The following MCTP1 variants were observed in gnomAD, a reference collection of about 807,000 sequenced individuals.
The protein encoded by MCTP1 is multiple C2 and transmembrane domain-containing protein 1.
A neutral mutation model predicts 120.6 loss-of-function variants in MCTP1; 69 were observed. The observed-to-expected ratio is 0.57, with a 90% CI of 0.47 to 0.70. MCTP1 has a LOEUF of 0.70. Ranked by LOEUF, MCTP1 falls within the 30% of genes least tolerant of loss-of-function variation. The pLI is 0.00. For synonymous variants in MCTP1, 529 were observed against 493.1 expected, an observed-to-expected ratio of 1.07 and a Z score of -0.96; for missense variants, 1,203 against 1,248.8, an observed-to-expected ratio of 0.96 and a Z score of 0.55.
At chr5:94,786,679 T>C (rs114401115) in intron 18 of MCTP1, among the ~76,000 whole-genome samples, 2,382 of 152,294 alleles carry the variant, frequency 0.016, 55 homozygotes, top group African/African-American at 0.054. Flanking sequence ...TACTGTGTGA[T>C]TGCTAAATTA....
chr5:95,145,062 T>A (rs1277780231), intron 1 of MCTP1, among the ~76,000 whole-genome samples: 1 of 152,182 alleles, frequency 6.6e-6, no homozygotes, highest in Non-Finnish European at 1.5e-5. Context: ...ATTTGTGCCA[T>A]CTATGATTTC....
chr5:95,262,961 T>C (rs1758591983), intron 1 of MCTP1, among the ~76,000 whole-genome samples: 2 of 152,214 alleles, frequency 1.3e-5, no homozygotes, highest in African/African-American at 2.4e-5. Flanking sequence ...AAAGCATATA[T>C]GAAGCAAAGG....
intron 1 of MCTP1, among the ~76,000 whole-genome samples, chr5:95,226,258 T>C (rs767565735): frequency 1.4e-4 from 22 of 152,200 alleles, no homozygotes; most frequent in Non-Finnish European, 2.2e-4. Flanking sequence ...TTCTTGTTTT[T>C]TGGGGGAAAG....
chr5:94,934,711 T>G (rs2153487458), intron 5 of MCTP1, among the ~76,000 whole-genome samples: 1 of 148,628 alleles, frequency 6.7e-6, no homozygotes, highest in African/African-American at 2.5e-5. Flanking sequence ...TTCTGAAGAA[T>G]ATCAAAACTA....
chr5:95,245,242 C>T (rs188829532), intron 1 of MCTP1, among the ~76,000 whole-genome samples: 1 of 152,262 alleles, frequency 6.6e-6, no homozygotes, highest in Non-Finnish European at 1.5e-5. Flanking sequence ...AAAAGCTGAA[C>T]ATTCCAAAAA....
chr5:95,195,256 C>T (rs892147769), intron 1 of MCTP1, among the ~76,000 whole-genome samples: 3 of 152,276 alleles, frequency 2.0e-5, no homozygotes, highest in African/African-American at 4.8e-5. Flanking sequence ...GTTTTTCCCC[C>T]GTGGCAACTT....
chr5:94,955,464 T>C (rs1822352260), intron 2 of MCTP1, among the ~76,000 whole-genome samples: 1 of 152,108 alleles, frequency 6.6e-6, no homozygotes, highest in African/African-American at 2.4e-5. Context: ...TGCCGAGTGG[T>C]CTTGCTCAGT....
intron 1 of MCTP1, among the ~76,000 whole-genome samples, chr5:95,199,061 G>A (rs894419748): frequency 5.3e-5 from 8 of 152,070 alleles, no homozygotes; most frequent in East Asian, 1.9e-4. Context: ...GTTTTTGAAC[G>A]TAGATAATAC....
At chr5:95,122,976 G>T (rs972067973) in intron 1 of MCTP1, among the ~76,000 whole-genome samples, 10 of 152,116 alleles carry the variant, frequency 6.6e-5, no homozygotes, top group African/African-American at 1.9e-4. Flanking sequence ...CCAGAGGCTG[G>T]GAAAGGTAGT....
intron 2 of MCTP1, among the ~76,000 whole-genome samples, chr5:94,963,406 C>A (rs1824807095): frequency 1.3e-5 from 2 of 149,228 alleles, no homozygotes; most frequent in Admixed American, 1.3e-4. Context: ...ATGGCTGCAC[C>A]AATTTAGATT....
intron 1 of MCTP1, among the ~76,000 whole-genome samples, chr5:95,050,566 C>T (rs1562077448): frequency 2.0e-5 from 3 of 152,186 alleles, no homozygotes; most frequent in South Asian, 2.1e-4. Flanking sequence ...GTGTATAATG[C>T]AATTTTAACC....
At chr5:95,114,644 C>T (rs1296730542) in intron 1 of MCTP1, among the ~76,000 whole-genome samples, 1 of 152,180 alleles carries the variant, frequency 6.6e-6, no homozygotes, top group Admixed American at 6.5e-5. Context: ...AGCCACAGTA[C>T]AATAGAAAAC....
chr5:94,839,464 A>G (rs1002202195), intron 17 of MCTP1, among the ~76,000 whole-genome samples: 17 of 152,210 alleles, frequency 1.1e-4, no homozygotes, highest in African/African-American at 4.1e-4. Flanking sequence ...TGCTGAGGGT[A>G]TGCAGAGAAA....
chr5:94,861,024 C>T (rs866705180), intron 17 of MCTP1, among the ~76,000 whole-genome samples: 13 of 151,774 alleles, frequency 8.6e-5, no homozygotes, highest in Middle Eastern at 6.3e-3. Flanking sequence ...TGCTTTCTGT[C>T]TTTCCTTGCC....
chr5:95,260,021 A>G (rs2152715539), intron 1 of MCTP1, among the ~76,000 whole-genome samples: 1 of 152,288 alleles, frequency 6.6e-6, no homozygotes, highest in South Asian at 2.1e-4. Flanking sequence ...TTCTCACAAT[A>G]TCACTCTCCT....
intron 1 of MCTP1, among the ~76,000 whole-genome samples, chr5:95,043,387 G>A (rs1407076408): frequency 1.3e-5 from 2 of 152,006 alleles, no homozygotes; most frequent in African/African-American, 2.4e-5. Flanking sequence ...TAAGACCAGG[G>A]CTGTCCTCTA....
chr5:94,927,908 G>A (rs1309516846), intron 6 of MCTP1, among the ~76,000 whole-genome samples: 1 of 151,770 alleles, frequency 6.6e-6, no homozygotes, highest in African/African-American at 2.4e-5. Context: ...ATTATGCTAA[G>A]TGGTTATAAT....
At chr5:94,707,985 AAC>A (rs1755217135) in intron 22 of MCTP1, among the ~76,000 whole-genome samples, 1 of 151,466 alleles carries the variant, frequency 6.6e-6, no homozygotes. Flanking sequence ...AAAAAAAAAA[AAC>A]AAACTTCTTT....
At chr5:95,263,607 G>T (rs1758649169) in intron 1 of MCTP1, among the ~76,000 whole-genome samples, 1 of 152,200 alleles carries the variant, frequency 6.6e-6, no homozygotes, top group Non-Finnish European at 1.5e-5. Flanking sequence ...CATTCCTGAA[G>T]GCTCCAAGAG....
Sources: allele counts gnomAD v4.1 joint callset (sites outside exome capture counted in the v4.1 genomes callset), GRCh38; gene constraint gnomAD v4.1.1; transcripts MANE v1.5; gene names NCBI Gene and HGNC (gene_info 2026-07-23, HGNC 2026-07-21).